FOXO1: variants seen among roughly 807,000 people sequenced by gnomAD.
FOXO1 encodes the protein forkhead box protein O1.
In FOXO1, 6 loss-of-function variants were observed where a neutral mutation model predicts 44.1. The observed-to-expected ratio is 0.14, with a 90% CI of 0.07 to 0.27. FOXO1 has a LOEUF of 0.27. FOXO1 is among the 10% of genes least tolerant of loss of function. The pLI is 1.00. For synonymous variants in FOXO1, 380 were observed against 362.7 expected (o/e 1.05, Z -0.54); for missense variants, 737 against 888.8 (o/e 0.83, Z 2.17).
At chr13:40,575,465 A>T (rs1470580552) in intron 1 of FOXO1, among the ~76,000 whole-genome samples, 1 of 152,228 alleles carries the variant, frequency 6.6e-6, no homozygotes, top group Non-Finnish European at 1.5e-5. Context: ...AGGGTCTCAA[A>T]GGACCCTGTG....
chr13:40,624,090 T>C (rs1048440819), intron 1 of FOXO1, among the ~76,000 whole-genome samples: 2 of 151,890 alleles, frequency 1.3e-5, no homozygotes, highest in Non-Finnish European at 2.9e-5. Flanking sequence ...GGTGACAGCA[T>C]GAGATTGTCT....
intron 1 of FOXO1, among the ~76,000 whole-genome samples, chr13:40,586,322 A>T (rs1875163400): frequency 6.6e-6 from 1 of 152,244 alleles, no homozygotes; most frequent in East Asian, 1.9e-4. Flanking sequence ...AGAAAGCCAC[A>T]GAAACAGAAG....
At chr13:40,566,646 T>C (rs886461778) in intron 1 of FOXO1, among the ~76,000 whole-genome samples, 2 of 152,174 alleles carry the variant, frequency 1.3e-5, no homozygotes, top group Non-Finnish European at 1.5e-5. Flanking sequence ...CACAAAGCGC[T>C]GGGATTACAG....
chr13:40,607,391 G>A (rs1013636489), intron 1 of FOXO1, among the ~76,000 whole-genome samples: 1 of 152,154 alleles, frequency 6.6e-6, no homozygotes, highest in Non-Finnish European at 1.5e-5. Flanking sequence ...ATAAGCACCA[G>A]AAAAACATCA....
chr13:40,581,412 C>T (rs1566066812), intron 1 of FOXO1, among the ~76,000 whole-genome samples: 1 of 152,220 alleles, frequency 6.6e-6, no homozygotes, highest in East Asian at 1.9e-4. Flanking sequence ...TTATCATCAA[C>T]AGAACTTTAA....
chr13:40,639,877 C>T (rs1451106757), intron 1 of FOXO1, among the ~76,000 whole-genome samples: 3 of 152,220 alleles, frequency 2.0e-5, no homozygotes, highest in South Asian at 2.1e-4. Flanking sequence ...CGACTGAGAA[C>T]GGGAGAGAGC....
At chr13:40,627,843 A>C (rs543954570) in intron 1 of FOXO1, among the ~76,000 whole-genome samples, 89 of 152,108 alleles carry the variant, frequency 5.9e-4, no homozygotes, top group African/African-American at 1.5e-3. Context: ...AAAAAAAAAA[A>C]AAACAAACAA....
Position 40,606,934 on chromosome 13 carries a change from A to T in FOXO1, c.631-46074T>A, listed in dbSNP as rs545707739. 1.5e-4 allele frequency among the ~76,000 whole-genome samples: 23 copies of T among 152,296 alleles called. No individual in the cohort carries two copies. The South Asian group carries it at 4.3e-3, about 29-fold the overall frequency. ...GTAAAGACCAAAGTCATATCATGCA[A>T]TGCTCTCAGATCTAACCCTGTCTGC... On this transcript the variant is annotated intron_variant, in intron 1 of 2. Coordinates refer to ENST00000379561, the MANE Select transcript of FOXO1 (RefSeq NM_002015.4).
chr13:40,580,606 T>G (rs1040622459), intron 1 of FOXO1, among the ~76,000 whole-genome samples: 1 of 152,106 alleles, frequency 6.6e-6, no homozygotes, highest in Non-Finnish European at 1.5e-5. Context: ...TATTAGATAT[T>G]ATGGGCACAA....
rs181201095 is a variant in FOXO1 at position 40,635,060 on chromosome 13, C to A, written c.630+30523G>T. 2.6e-5 allele frequency among the ~76,000 whole-genome samples: 4 copies of A among 152,190 alleles called. No individual in the cohort carries two copies. The East Asian group carries it at 7.7e-4, about 29-fold the overall frequency. ...TTCATTAAAATCTAAACCTCTAAAC[C>A]CAACTCATATCATTTACAATTCATA... On this transcript the variant is annotated intron_variant, in intron 1 of 2. Coordinates refer to ENST00000379561, the MANE Select transcript of FOXO1 (RefSeq NM_002015.4).
At chr13:40,619,352 G>T in intron 1 of FOXO1, 1 of 595,222 alleles carries the variant, frequency 1.7e-6, no homozygotes, top group South Asian at 1.7e-5. Flanking sequence ...GAAGTCCCCA[G>T]AGAAAGTTCA....
chr13:40,589,325 A>G (rs1037494673), intron 1 of FOXO1, among the ~76,000 whole-genome samples: 2 of 152,198 alleles, frequency 1.3e-5, no homozygotes, highest in Non-Finnish European at 1.5e-5. Context: ...CTTCTCCCCA[A>G]TCAAGGCCAA....
At chr13:40,661,381 T>C (rs1253063104) in intron 1 of FOXO1, among the ~76,000 whole-genome samples, 1 of 152,070 alleles carries the variant, frequency 6.6e-6, no homozygotes, top group African/African-American at 2.4e-5. Context: ...GTTCAAGCGA[T>C]TCTCCTGCCT....
intron 1 of FOXO1, among the ~76,000 whole-genome samples, chr13:40,635,748 C>A (rs1452668531): frequency 1.3e-5 from 2 of 152,218 alleles, no homozygotes; most frequent in Non-Finnish European, 2.9e-5. Flanking sequence ...GATGGTCAGG[C>A]ACACCACTGA....
At chr13:40,641,014 C>T (rs1415004528) in intron 1 of FOXO1, among the ~76,000 whole-genome samples, 1 of 152,146 alleles carries the variant, frequency 6.6e-6, no homozygotes, top group Non-Finnish European at 1.5e-5. Context: ...AAACTCTTGA[C>T]CTCAAGTGAT....
At chr13:40,654,891 A>G (rs577155538) in intron 1 of FOXO1, among the ~76,000 whole-genome samples, 64 of 152,276 alleles carry the variant, frequency 4.2e-4, no homozygotes, top group Non-Finnish European at 8.5e-4. Context: ...CCTGAGGGAG[A>G]TAAGAACCCT....
chr13:40,575,668 G>A (rs572789864), intron 1 of FOXO1, among the ~76,000 whole-genome samples: 1 of 152,138 alleles, frequency 6.6e-6, no homozygotes, highest in Non-Finnish European at 1.5e-5. Flanking sequence ...ACCGATCAAT[G>A]TAATTTTCAA....
Position 40,666,016 on chromosome 13 carries a change from A to C in FOXO1, c.197T>G (p.Val66Gly). Residue 66 changes from valine to glycine, a missense_variant, in exon 1 of 3, where the codon GTC becomes GGC. Transcript: ENST00000379561. ...AGLPSASAAA[V>G]SADFMSNLSL... ...CAGGTTGCTCATGAAGTCGGCGCTG[A>C]CAGCGGCAGCCGAGGCCGAGGGCAG... 7.9e-7 allele frequency: 1 copy of C among 1,272,470 alleles called. No homozygotes were observed. Among genetic ancestry groups the C allele is most frequent in the East Asian group, 3.2e-5 (1 of 31,602 alleles). 78.8% of individuals were successfully genotyped at this position (1,272,470 alleles called of 1,614,324 possible).
intron 1 of FOXO1, among the ~76,000 whole-genome samples, chr13:40,577,023 A>G (rs1874774889): frequency 6.6e-6 from 1 of 152,234 alleles, no homozygotes; most frequent in Admixed American, 6.5e-5. Flanking sequence ...TTCCACACAA[A>G]CATGGATAAA....
Sources: allele counts gnomAD v4.1 joint callset (sites outside exome capture counted in the v4.1 genomes callset), GRCh38; gene constraint gnomAD v4.1.1; transcripts MANE v1.5; gene names NCBI Gene and HGNC (gene_info 2026-07-23, HGNC 2026-07-21).